Variants in BUB1B observed in about 807,000 individuals in gnomAD.
BUB1B encodes mitotic checkpoint serine/threonine-protein kinase BUB1 beta.
BUB1B carries 86 observed loss-of-function variants against 137.7 expected under a neutral mutation model. That is an observed-to-expected ratio of 0.62 (90% CI 0.52 to 0.75). The LOEUF (loss-of-function observed/expected upper bound fraction) is 0.75, where lower values mean the gene tolerates loss of function less well. BUB1B is among the 30% of genes least tolerant of loss of function. The pLI is 0.00. For synonymous variants in BUB1B, 420 were observed against 417.9 expected (o/e 1.00, Z -0.06); for missense variants, 1,130 against 1,236.9 (o/e 0.91, Z 1.30).
chr15:40,176,040 T>A (rs2037219681), intron 4 of BUB1B, among the ~76,000 whole-genome samples: 1 of 152,030 alleles, frequency 6.6e-6, no homozygotes, highest in South Asian at 2.1e-4. Flanking sequence ...CCTCAAACTC[T>A]TGGGCTCAAG....
At chr15:40,205,038 C>T (rs368048442) in intron 14 of BUB1B, among the ~76,000 whole-genome samples, 16 of 150,482 alleles carry the variant, frequency 1.1e-4, no homozygotes, top group East Asian at 5.8e-4. Flanking sequence ...CCTCCGCCTC[C>T]TGGGTTCAAG....
At chr15:40,201,500 A>G (rs980721225) in intron 12 of BUB1B, among the ~76,000 whole-genome samples, 1 of 152,178 alleles carries the variant, frequency 6.6e-6, no homozygotes. Flanking sequence ...GCGGGATGGA[A>G]TTGGCAAAAT....
chr15:40,165,635 A>G (rs1199971569), intron 2 of BUB1B, among the ~76,000 whole-genome samples: 1 of 152,220 alleles, frequency 6.6e-6, no homozygotes, highest in African/African-American at 2.4e-5. Context: ...AACTCTGGAT[A>G]AATAAAAGCT....
chr15:40,193,004 C>T (rs182000983), intron 8 of BUB1B, among the ~76,000 whole-genome samples: 22 of 152,236 alleles, frequency 1.4e-4, no homozygotes, highest in Admixed American at 4.6e-4. Flanking sequence ...GTGCATGCCA[C>T]CATGGCTGGC....
At position 40,176,492 on chromosome 15, in the gene BUB1B, G is replaced by A; in HGVS notation, c.400G>A (p.Glu134Lys). The A allele has an allele frequency of 6.2e-7, 1 of 1,614,122 alleles. No individual in the cohort carries two copies. Among genetic ancestry groups the A allele is most frequent in the Non-Finnish European group, 8.5e-7 (1 of 1,179,994 alleles). ...TCTGTTACAGGGGCGTTTATGCAAT[G>A]AGCCTTTGGATATGTACAGTTACTT... ...LWLKLGRLCN[E>K]PLDMYSYLHN... Residue 134 changes from glutamate (E) to lysine (K), a missense_variant, in exon 5 of 23, where the codon GAG becomes AAG. Coordinates refer to ENST00000287598, the MANE Select transcript of BUB1B (RefSeq NM_001211.6).
At chr15:40,197,990 C>T (rs1025882444) in intron 9 of BUB1B, among the ~76,000 whole-genome samples, 3 of 151,922 alleles carry the variant, frequency 2.0e-5, no homozygotes, top group African/African-American at 7.3e-5. Flanking sequence ...TAGTCTGTAC[C>T]AGATATATAG....
chr15:40,210,066 T>C (rs187795534), intron 17 of BUB1B, 44 bp from the exon 18 acceptor site: 518 of 1,471,550 alleles, frequency 3.5e-4, no homozygotes, highest in Non-Finnish European at 4.8e-4. Flanking sequence ...CAGGGCTGTA[T>C]ATGTTCACAG....
chr15:40,176,796 A>G (rs1417087938), intron 5 of BUB1B, 123 bp downstream of exon 5: 14 of 1,026,786 alleles, frequency 1.4e-5, no homozygotes, highest in Admixed American at 2.5e-5. Flanking sequence ...TTACTATTCA[A>G]TTTTTTTAAA....
Position 40,206,193 on chromosome 15 carries a change from A to G in BUB1B, c.1744A>G (p.Thr582Ala). ...DVSPDVCDEF[T>A]GIEPLSEDAI... is the part of the protein sequence containing the mutation. ...ATGGTCTTTATTTCAGGATGAATTT[A>G]CAGGAATTGAACCCTTGAGCGAGGA... The change falls in exon 15 of 23, where the codon ACA becomes GCA. Residue 582 changes from threonine (T) to alanine (A), a missense_variant. Coordinates refer to ENST00000287598, the MANE Select transcript of BUB1B (RefSeq NM_001211.6). The G allele has an allele frequency of 6.2e-7, 1 of 1,614,180 alleles. No homozygotes were observed. Among genetic ancestry groups the G allele is most frequent in the African/African-American group, 1.3e-5 (1 of 75,052 alleles).
intron 1 of BUB1B, among the ~76,000 whole-genome samples, chr15:40,161,923 T>C (rs1439518088): frequency 6.6e-6 from 1 of 152,244 alleles, no homozygotes; most frequent in African/African-American, 2.4e-5. Context: ...AGTATTTTTT[T>C]GGCTAAGCTC....
intron 2 of BUB1B, among the ~76,000 whole-genome samples, chr15:40,167,906 A>T (rs529659424): frequency 6.6e-6 from 1 of 152,258 alleles, no homozygotes; most frequent in African/African-American, 2.4e-5. Flanking sequence ...TCCTTTCACC[A>T]ATAAAATACA....
In BUB1B at chr15:40,220,706, G is replaced by A. The variant is rs1347040377; in HGVS notation, c.3100G>A (p.Ala1034Thr). Reference sequence around the variant, plus strand: ...TACATTCCAAAGTCACCTGAACAAAGCCTTATGGAAGGTAGGGAAGTTAAC... The same window carrying A: ...TACATTCCAAAGTCACCTGAACAAAACCTTATGGAAGGTAGGGAAGTTAAC... ...DTTFQSHLNK[A>T]LWKVGKLTSP... Residue 1034 changes from alanine to threonine, a missense_variant, in exon 23 of 23, where the codon GCC (alanine) becomes ACC (threonine). Ala to Thr is a moderately conservative substitution (Grantham distance 58). Transcript: ENST00000287598. 6.2e-7 allele frequency: 1 copy of A among 1,614,178 alleles called. No homozygotes were observed. Among genetic ancestry groups the A allele is most frequent in the South Asian group, 1.1e-5 (1 of 91,082 alleles).
chr15:40,211,757 G>A (rs1380376646), intron 18 of BUB1B, among the ~76,000 whole-genome samples: 1 of 152,064 alleles, frequency 6.6e-6, no homozygotes, highest in Admixed American at 6.6e-5. Context: ...GAATAGGGGA[G>A]AGGTAGTTGC....
chr15:40,200,853 A>G, intron 11 of BUB1B, 78 bp from the exon 12 acceptor site: 1 of 1,188,896 alleles, frequency 8.4e-7, no homozygotes, highest in Non-Finnish European at 1.2e-6. Context: ...TTAATGGAAA[A>G]GCCTCTTGGA....
chr15:40,220,807 A>C lies in BUB1B; in HGVS notation c.*48A>C. 1 of 1,558,070 alleles carries C rather than the reference A, an allele frequency of 6.4e-7. No individual in the cohort carries two copies. The highest frequency in any genetic ancestry group is 1.4e-5 in the African/African-American group (1 of 73,694). ...ATTGCTGCCTCAGAGCAATGGTTGT[A>C]TTGTGGAACACTGAAACTGTATGTG... On this transcript the variant is annotated 3_prime_UTR_variant, in exon 23 of 23. Coordinates refer to ENST00000287598, the MANE Select transcript of BUB1B (RefSeq NM_001211.6).
At chr15:40,216,563 ATATATATATTTTTTTT>A (rs1309791747) in intron 20 of BUB1B, among the ~76,000 whole-genome samples, 1 of 91,944 alleles carries the variant, frequency 1.1e-5, no homozygotes, top group African/African-American at 3.6e-5. Context: ...ATATATATAT[ATATATATATTTTTTTT>A]TTTTTTTAAT....
intron 6 of BUB1B, among the ~76,000 whole-genome samples, chr15:40,184,227 C>T (rs540536515): frequency 6.6e-6 from 1 of 152,206 alleles, no homozygotes; most frequent in Admixed American, 6.5e-5. Context: ...TGGTTAAGAA[C>T]CCTGCCTTCA....
At chr15:40,195,295 G>C (rs1050330717) in intron 8 of BUB1B, among the ~76,000 whole-genome samples, 2 of 152,104 alleles carry the variant, frequency 1.3e-5, no homozygotes, top group Non-Finnish European at 2.9e-5. Flanking sequence ...CATCCAGGTT[G>C]CTTCAAATGC....
rs1367779530 is a variant in BUB1B, at chr15:40,220,635, C to T, written c.3029C>T (p.Ser1010Phe). ...ILNANDEATV[S>F]VLGELAAEMN... ...AATGCCAATGATGAGGCCACAGTGTCTGTTCTTGGGGAGCTTGCAGCAGAA... is the reference window on the plus strand; with the variant it reads ...AATGCCAATGATGAGGCCACAGTGTTTGTTCTTGGGGAGCTTGCAGCAGAA... The change falls in exon 23 of 23, where the codon TCT (serine) becomes TTT (phenylalanine). Residue 1010 changes from serine to phenylalanine, a missense_variant. Transcript: ENST00000287598. 2.5e-6 allele frequency: 4 copies of T among 1,614,084 alleles called. No individual in the cohort carries two copies. Among genetic ancestry groups the T allele is most frequent in the African/African-American group, 1.3e-5 (1 of 74,928 alleles).
Sources: allele counts gnomAD v4.1 joint callset (sites outside exome capture counted in the v4.1 genomes callset), GRCh38; gene constraint gnomAD v4.1.1; transcripts MANE v1.5; gene names NCBI Gene and HGNC (gene_info 2026-07-23, HGNC 2026-07-21).